DOCK1: variants seen among roughly 807,000 people sequenced by gnomAD.
The protein encoded by DOCK1 is dedicator of cytokinesis 1, also known as dedicator of cytokinesis protein 1.
DOCK1 carries 138 observed loss-of-function variants against 262.7 expected under a neutral mutation model. That is an observed-to-expected ratio of 0.53 (90% CI 0.46 to 0.61). The LOEUF is 0.61. Among genes scored for constraint, DOCK1 ranks in the 20% least tolerant of loss-of-function variants. DOCK1 has a pLI of 0.00. For missense variants in DOCK1, 1,908 were observed against 2,370.7 expected, an observed-to-expected ratio of 0.80 and a Z score of 4.05; for synonymous variants, 866 against 867.4, an observed-to-expected ratio of 1.00 and a Z score of 0.03.
At chr10:127,239,845 TATTA>T (rs2059201342) in intron 27 of DOCK1, among the ~76,000 whole-genome samples, 1 of 152,168 alleles carries the variant, frequency 6.6e-6, no homozygotes, top group African/African-American at 2.4e-5. Flanking sequence ...AAATGAATTA[TATTA>T]AGAAGCTGCA....
Position 127,012,191 on chromosome 10 carries a change from C to T in DOCK1, c.1059-41C>T, listed in dbSNP as rs1011592818. 4 of 1,079,986 alleles carry T rather than the reference C, an allele frequency of 3.7e-6. No homozygotes were observed. The South Asian group carries it at 5.1e-5, about 14-fold the overall frequency. The allele number at this position is 1,079,986 out of a possible 1,614,324, so 66.9% of individuals were successfully genotyped here. A position where few individuals can be genotyped will look rare whatever the true frequency, so the allele number is the denominator to read the frequency against. Reference sequence around the variant, plus strand: ...TACCGTGGCCCATGGGTCTCTGTGCCCCTTTGTCTCCTGTGGTCTTGGTCG... The same window carrying T: ...TACCGTGGCCCATGGGTCTCTGTGCTCCTTTGTCTCCTGTGGTCTTGGTCG... On this transcript the variant is annotated intron_variant, in intron 11 of 51. Coordinates refer to ENST00000623213, the MANE Select transcript of DOCK1 (RefSeq NM_001290223.2). This position sits in a 1 kb window ranked among gnomAD's most constrained non-coding sequence, Gnocchi z 4.0.
At chr10:127,209,870 G>A (rs1028338935) in intron 27 of DOCK1, among the ~76,000 whole-genome samples, 1 of 152,094 alleles carries the variant, frequency 6.6e-6, no homozygotes, top group South Asian at 2.1e-4. Flanking sequence ...ACCTAAATAC[G>A]CAGAATCTCT....
intron 16 of DOCK1, among the ~76,000 whole-genome samples, chr10:127,030,780 A>G (rs148054518): frequency 2.8e-3 from 431 of 152,098 alleles, no homozygotes; most frequent in Non-Finnish European, 4.6e-3. Context: ...AAGATTCTCT[A>G]TCAATCTATC....
In DOCK1 at chr10:127,403,101, A is replaced by T; in HGVS notation, c.3974A>T (p.Tyr1325Phe). 6.2e-7 allele frequency: 1 copy of T among 1,612,908 alleles called. No individual in the cohort carries two copies. Among genetic ancestry groups the T allele is most frequent in the Non-Finnish European group, 8.5e-7 (1 of 1,179,522 alleles). ...IALGKELAEQYENEMFDYEQL... is the reference protein window; with the variant it reads ...IALGKELAEQFENEMFDYEQL... ...TTGGGCAAGGAGCTAGCCGAGCAGTATGAGAACGAAATGTTTGATTATGAG... is the reference window on the plus strand; with the variant it reads ...TTGGGCAAGGAGCTAGCCGAGCAGTTTGAGAACGAAATGTTTGATTATGAG... The change falls in exon 39 of 52, where the codon TAT becomes TTT. Residue 1325 changes from tyrosine (Y) to phenylalanine (F), a missense_variant. Physicochemically the swap from Tyr to Phe is conservative, Grantham distance 22. Transcript: ENST00000623213.
chr10:127,056,581 T>C (rs1304001806), intron 22 of DOCK1, among the ~76,000 whole-genome samples: 1 of 152,182 alleles, frequency 6.6e-6, no homozygotes, highest in Non-Finnish European at 1.5e-5. Flanking sequence ...CTCTCCTCGC[T>C]TCGTTCTTTC....
rs576931008 is a variant in DOCK1, at chr10:126,998,325, T to TC, written c.767+79dup. On this transcript the variant is annotated intron_variant, in intron 8 of 51. Transcript: ENST00000623213. ...ACTTGGGATCAGAACCACTGAAGCG[T>TC]CCCATTCATGCTGAGAGGCCTTGGA... 278 of 1,581,452 alleles carry TC rather than the reference T, an allele frequency of 1.8e-4. No individual in the cohort carries two copies. In the African/African-American group the frequency reaches 2.7e-3, roughly 16 times the overall value.
chr10:127,200,693 T>C (rs1237657209), intron 27 of DOCK1, among the ~76,000 whole-genome samples: 3 of 152,200 alleles, frequency 2.0e-5, no homozygotes, highest in Non-Finnish European at 4.4e-5. Flanking sequence ...CGTGAGCCAC[T>C]GCGCCCGATA....
chr10:127,304,973 T>G (rs909491313), intron 29 of DOCK1, among the ~76,000 whole-genome samples: 1 of 152,258 alleles, frequency 6.6e-6, no homozygotes, highest in Non-Finnish European at 1.5e-5. Flanking sequence ...TTACCTTTTA[T>G]GTAAGTCCAA....
intron 23 of DOCK1, among the ~76,000 whole-genome samples, chr10:127,065,209 C>T (rs2045788629): frequency 1.3e-5 from 2 of 152,088 alleles, no homozygotes; most frequent in African/African-American, 2.4e-5. Flanking sequence ...CGGGGTTTCA[C>T]CATGTTAGCC....
At chr10:126,907,759 C>T (rs776157847) in intron 1 of DOCK1, among the ~76,000 whole-genome samples, 16 of 152,210 alleles carry the variant, frequency 1.1e-4, no homozygotes, top group Admixed American at 2.0e-4. Context: ...CAGAACAGGG[C>T]GGTGCGCTTG....
Position 127,409,075 on chromosome 10 carries a change from C to G in DOCK1, c.4161C>G (p.Arg1387=). The change falls in exon 41 of 52, where the codon CGC becomes CGG. Residue 1387 remains arginine, a synonymous_variant. Coordinates refer to ENST00000623213, the MANE Select transcript of DOCK1 (RefSeq NM_001290223.2). ...TTTACCGAGGGAAAGAGTATGAGCG[C>G]CGGGAAGATTTTGAGGCTCGGCTCT... ...VFIYRGKEYE[R]REDFEARLLT... is the part of the protein sequence containing the mutation. 1 of 1,596,534 alleles carries G rather than the reference C, an allele frequency of 6.3e-7. No homozygotes were observed. The highest frequency in any genetic ancestry group is 8.5e-7 in the Non-Finnish European group (1 of 1,170,648).
intron 14 of DOCK1, among the ~76,000 whole-genome samples, chr10:127,024,081 A>T (rs956230113): frequency 2.0e-5 from 3 of 152,212 alleles, no homozygotes; most frequent in African/African-American, 7.2e-5. Flanking sequence ...CCAGAGGTCA[A>T]ATCAGAGCTG....
intron 1 of DOCK1, among the ~76,000 whole-genome samples, chr10:126,915,308 C>T (rs2032332355): frequency 6.6e-6 from 1 of 152,136 alleles, no homozygotes; most frequent in African/African-American, 2.4e-5. Flanking sequence ...AGGACAGACG[C>T]CGCCTTTTTC....
chr10:126,959,023 G>A (rs919184877), intron 1 of DOCK1, among the ~76,000 whole-genome samples: 4 of 152,148 alleles, frequency 2.6e-5, no homozygotes, highest in African/African-American at 7.2e-5. Context: ...CCAGAAAGGC[G>A]GGACATTCCA....
intron 23 of DOCK1, among the ~76,000 whole-genome samples, chr10:127,089,605 C>T (rs1219681485): frequency 6.6e-6 from 1 of 152,208 alleles, no homozygotes; most frequent in East Asian, 1.9e-4. Context: ...CTGCCCCTGC[C>T]CACTGCCCCT....
chr10:127,094,087 G>A (rs2136125304), intron 23 of DOCK1, among the ~76,000 whole-genome samples: 1 of 152,246 alleles, frequency 6.6e-6, no homozygotes, highest in South Asian at 2.1e-4. Context: ...CCAGCTACAT[G>A]GGAGGCTGAG....
intron 27 of DOCK1, among the ~76,000 whole-genome samples, chr10:127,224,132 T>C (rs1172526272): frequency 6.6e-6 from 1 of 152,252 alleles, no homozygotes; most frequent in Non-Finnish European, 1.5e-5. Context: ...AATTCATTTA[T>C]TTGCTTTTCA....
intron 38 of DOCK1, among the ~76,000 whole-genome samples, chr10:127,391,762 C>T (rs1430682682): frequency 1.3e-5 from 2 of 152,100 alleles, no homozygotes; most frequent in Admixed American, 6.5e-5. Flanking sequence ...TGTAAGCTCT[C>T]GGTCCCTCTC....
At chr10:126,949,082 C>T (rs1441047969) in intron 1 of DOCK1, among the ~76,000 whole-genome samples, 2 of 152,134 alleles carry the variant, frequency 1.3e-5, no homozygotes, top group Non-Finnish European at 2.9e-5. Flanking sequence ...GGGAGTGGTG[C>T]ACGTTCTGCT....
Sources: gnomAD v4.1 joint callset for allele counts (sites outside exome capture counted in the v4.1 genomes callset) on GRCh38, gnomAD v4.1.1 for gene constraint, Gnocchi (gnomAD v3.1) non-coding constraint, MANE v1.5 for transcripts, NCBI Gene and HGNC (gene_info 2026-07-23, HGNC 2026-07-21) for gene names.